ANKRD11: variants seen among roughly 807,000 people sequenced by gnomAD.
ANKRD11 encodes ankyrin repeat domain-containing protein 11.
ANKRD11 carries 17 observed loss-of-function variants against 195.7 expected under a neutral mutation model. That is an observed-to-expected ratio of 0.09 (90% CI 0.06 to 0.13). ANKRD11 has a LOEUF of 0.13. Ranked by LOEUF, ANKRD11 falls within the 10% of genes least tolerant of loss-of-function variation. The probability of loss-of-function intolerance (pLI) is 1.00; values close to 1 mark genes in which losing one functional copy is unlikely to be tolerated. For synonymous variants in ANKRD11, 1,953 were observed against 1,528.1 expected, an observed-to-expected ratio of 1.28 and a Z score of -6.49; for missense variants, 3,735 against 3,566.1, an observed-to-expected ratio of 1.05 and a Z score of -1.21.
chr16:89,379,605 G>A (rs1235686251), intron 2 of ANKRD11, among the ~76,000 whole-genome samples: 1 of 152,168 alleles, frequency 6.6e-6, no homozygotes, highest in Non-Finnish European at 1.5e-5. Flanking sequence ...CAGCCTCCTG[G>A]CTCCAACTTG....
At chr16:89,460,975 C>A (rs1337290488) in intron 1 of ANKRD11, among the ~76,000 whole-genome samples, 2 of 84,808 alleles carry the variant, frequency 2.4e-5, no homozygotes, top group African/African-American at 4.5e-5. Context: ...TATGACCCCC[C>A]CCCCCAACAG....
chr16:89,319,742 C>G (rs2037188492), intron 2 of ANKRD11, among the ~76,000 whole-genome samples: 1 of 152,256 alleles, frequency 6.6e-6, no homozygotes, highest in South Asian at 2.1e-4. Context: ...CCATCTAGCC[C>G]AGGCTACACC....
At chr16:89,313,229 CAAT>C in intron 3 of ANKRD11, 1 of 1,227,266 alleles carries the variant, frequency 8.1e-7, no homozygotes, top group Non-Finnish European at 1.1e-6. Flanking sequence ...GCATGGAGCA[CAAT>C]GAGACAGGGT....
At chr16:89,323,639 A>G in intron 2 of ANKRD11, 1 of 326,062 alleles carries the variant, frequency 3.1e-6, no homozygotes, top group Non-Finnish European at 5.9e-6. Flanking sequence ...AGAGGCCCTC[A>G]CAGGAACCAG....
chr16:89,361,228 C>A (rs759910663), intron 2 of ANKRD11, among the ~76,000 whole-genome samples: 1 of 152,216 alleles, frequency 6.6e-6, no homozygotes, highest in Non-Finnish European at 1.5e-5. Flanking sequence ...GCAGCACATC[C>A]CCCTTCTTCC....
chr16:89,288,733 G>A, intron 6 of ANKRD11, 63 bp from the exon 7 acceptor site: 1 of 1,611,786 alleles, frequency 6.2e-7, no homozygotes, highest in Non-Finnish European at 8.5e-7. Flanking sequence ...TGTCTCTGGA[G>A]GCAGCGCCCT....
intron 4 of ANKRD11, among the ~76,000 whole-genome samples, chr16:89,296,346 G>A (rs1391821485): frequency 3.3e-5 from 5 of 152,004 alleles, no homozygotes; most frequent in Admixed American, 6.5e-5. Flanking sequence ...CTCCTCTGCC[G>A]AGGTGCCTGT....
At position 89,291,222 on chromosome 16, in the gene ANKRD11, A is replaced by T; in HGVS notation, c.227-39T>A. On this transcript the variant is annotated intron_variant, in intron 4 of 12. Transcript: ENST00000301030. The surrounding 1 kb of genome is among the most constrained non-coding windows in gnomAD (Gnocchi z 5.3). The stretch of plus-strand genomic sequence containing the variant: ...GAGGGAGAGAGGGAGGAGAGATTTC[A>T]TGCCATGGTGTCCTCCAAAGCTAGG... 6.2e-7 allele frequency: 1 copy of T among 1,608,896 alleles called. No homozygotes were observed. Among genetic ancestry groups the T allele is most frequent in the Non-Finnish European group, 8.5e-7 (1 of 1,179,564 alleles).
chr16:89,317,146 G>A (rs755627351), intron 2 of ANKRD11, 68 bp from the exon 3 acceptor site: 34 of 1,024,910 alleles, frequency 3.3e-5, no homozygotes, highest in African/African-American at 6.3e-5. Flanking sequence ...CTCTCACACC[G>A]CACTCAACAG....
At chr16:89,367,695 GT>G (rs2040008015) in intron 2 of ANKRD11, among the ~76,000 whole-genome samples, 1 of 152,180 alleles carries the variant, frequency 6.6e-6, no homozygotes, top group African/African-American at 2.4e-5. Flanking sequence ...ACAGCTGCAG[GT>G]TTTTTGCAGA....
Position 89,279,061 on chromosome 16 carries a change from C to T in ANKRD11, c.7470+11G>A. The T allele has an allele frequency of 5.0e-6, 8 of 1,613,734 alleles. No homozygotes were observed. Among genetic ancestry groups the T allele is most frequent in the Non-Finnish European group, 6.8e-6 (8 of 1,179,854 alleles). On this transcript the variant is annotated intron_variant, in intron 9 of 12. Transcript: ENST00000301030. The surrounding 1 kb of genome is among the most constrained non-coding windows in gnomAD (Gnocchi z 5.6). ...AGAGAAGGCAGTGGCTCTCCCGGGC[C>T]CCGCACTCACCACGGGGATGTGGAG...
At chr16:89,461,498 C>A (rs952461448) in intron 1 of ANKRD11, among the ~76,000 whole-genome samples, 7 of 152,106 alleles carry the variant, frequency 4.6e-5, no homozygotes, top group African/African-American at 1.7e-4. Flanking sequence ...CCTGCCACCA[C>A]GCCTGGCTAA....
intron 2 of ANKRD11, chr16:89,361,820 C>G (rs756301222): frequency 6.6e-6 from 1 of 152,180 alleles, no homozygotes; most frequent in African/African-American, 2.4e-5. Flanking sequence ...AAAATTAACC[C>G]TAAACATTTA....
intron 2 of ANKRD11, among the ~76,000 whole-genome samples, chr16:89,330,396 G>A (rs140440150): frequency 6.6e-6 from 1 of 152,166 alleles, no homozygotes; most frequent in Non-Finnish European, 1.5e-5. Context: ...CTTCCCAGGT[G>A]GCCGCTCGCA....
At chr16:89,287,610 A>G (rs1206340625) in intron 7 of ANKRD11, 1 of 160,568 alleles carries the variant, frequency 6.2e-6, no homozygotes, top group East Asian at 1.8e-4. Context: ...TCTCTGGAAG[A>G]GCCCATAAAA....
chr16:89,273,080 A>G (rs1391292573), intron 11 of ANKRD11: 2 of 150,678 alleles, frequency 1.3e-5, no homozygotes, highest in Non-Finnish European at 2.9e-5. Context: ...GATAAGACCT[A>G]CTATCTATCT....
chr16:89,298,324 G>A lies in ANKRD11; in HGVS notation c.226+6882C>T, dbSNP rs576410906. 3.9e-5 allele frequency: 6 copies of A among 152,462 alleles called. No homozygotes were observed. The East Asian group carries it at 1.2e-3, about 29-fold the overall frequency. 9.4% of individuals were successfully genotyped at this position (152,462 alleles called of 1,614,324 possible). A position where few individuals can be genotyped will look rare whatever the true frequency, so the allele number is the denominator to read the frequency against. On this transcript the variant is annotated intron_variant, in intron 4 of 12. Coordinates refer to ENST00000301030, the MANE Select transcript of ANKRD11 (RefSeq NM_013275.6). ...GATCAACGTCCAAACCTGCGCTGAG[G>A]CCTGAGCTGTGTCCGTCACTCCTGC...
Position 89,349,134 on chromosome 16 carries a change from T to TAAA in ANKRD11, c.-59-32059_-59-32057dup, listed in dbSNP as rs59621400. On this transcript the variant is annotated intron_variant, in intron 2 of 12. Transcript: ENST00000301030. The stretch of plus-strand genomic sequence containing the variant: ...CAGAGTAAAACACTGTCTCAAAAAG[T>TAAA]AAAAAAAAAAAAAAAAAAAAAAAAA... Among the ~76,000 whole-genome samples the TAAA allele has an allele frequency of 2.8e-3, 46 of 16,568 alleles. 3 individuals carry two copies. The highest frequency in any genetic ancestry group is 7.2e-3 in the South Asian group (2 of 278). 10.9% of individuals were successfully genotyped at this position (16,568 alleles called of 152,430 possible).
intron 5 of ANKRD11, 22 bp from the exon 6 acceptor site, chr16:89,290,850 G>C (rs2035015063): frequency 1.2e-6 from 2 of 1,612,716 alleles, no homozygotes; most frequent in Non-Finnish European, 1.7e-6. Flanking sequence ...GGAGGGGACA[G>C]ATGGGCATTA....
Sources: gnomAD v4.1 joint callset for allele counts (sites outside exome capture counted in the v4.1 genomes callset) on GRCh38, gnomAD v4.1.1 for gene constraint, Gnocchi (gnomAD v3.1) non-coding constraint, MANE v1.5 for transcripts, NCBI Gene and HGNC (gene_info 2026-07-23, HGNC 2026-07-21) for gene names.